The following SLC25A32 variants were observed in gnomAD, a reference collection of about 807,000 sequenced individuals.
The protein encoded by SLC25A32 is solute carrier family 25 member 32.
SLC25A32 carries 32 observed loss-of-function variants against 39.0 expected under a neutral mutation model. The observed-to-expected ratio is 0.82, with a 90% CI of 0.62 to 1.10. The LOEUF is 1.10. SLC25A32 is among the 50% of genes least tolerant of loss of function. The pLI, the probability that SLC25A32 is intolerant of heterozygous loss-of-function variation, is 0.00. For missense variants in SLC25A32, 367 were observed against 395.3 expected (o/e 0.93, Z 0.61); for synonymous variants, 166 against 152.4 (o/e 1.09, Z -0.66).
chr8:103,403,430 AGAT>A, intron 3 of SLC25A32, 106 bp from the exon 4 acceptor site: 1 of 702,430 alleles, frequency 1.4e-6, no homozygotes, highest in Non-Finnish European at 2.2e-6. Flanking sequence ...AAAAAAAAAA[AGAT>A]AATGCACAGG....
intron 3 of SLC25A32, among the ~76,000 whole-genome samples, chr8:103,404,518 C>T (rs1586112526): frequency 1.3e-5 from 2 of 152,030 alleles, no homozygotes; most frequent in East Asian, 3.8e-4. Context: ...TCGCTTGAAA[C>T]CCGAAGGCAG....
At chr8:103,411,476 C>T (rs1816463105) in intron 1 of SLC25A32, among the ~76,000 whole-genome samples, 1 of 152,000 alleles carries the variant, frequency 6.6e-6, no homozygotes, top group Non-Finnish European at 1.5e-5. Flanking sequence ...TTGAGCTTTA[C>T]CAATTACTGC....
chr8:103,400,614 C>A (rs1047164297), intron 6 of SLC25A32, 68 bp from the exon 7 acceptor site: 2 of 1,525,698 alleles, frequency 1.3e-6, no homozygotes, highest in African/African-American at 1.4e-5. Flanking sequence ...GAAGTTCTAA[C>A]TGACACAAGG....
chr8:103,405,171 T>C (rs912387043), intron 2 of SLC25A32, among the ~76,000 whole-genome samples: 3 of 152,216 alleles, frequency 2.0e-5, no homozygotes, highest in South Asian at 4.1e-4. Context: ...AGACTGGCCA[T>C]AAAAGACAAA....
intron 1 of SLC25A32, among the ~76,000 whole-genome samples, chr8:103,411,738 G>A (rs995472732): frequency 1.3e-5 from 2 of 152,110 alleles, no homozygotes; most frequent in African/African-American, 4.8e-5. Flanking sequence ...GGCTTCAACT[G>A]CCATCCCTGT....
intron 1 of SLC25A32, among the ~76,000 whole-genome samples, chr8:103,412,190 G>A (rs1816481006): frequency 6.6e-6 from 1 of 152,140 alleles, no homozygotes; most frequent in Non-Finnish European, 1.5e-5. Flanking sequence ...TATGCTACTG[G>A]GTCTTGCGAT....
intron 1 of SLC25A32, 76 bp from the exon 2 acceptor site, chr8:103,407,860 C>A: frequency 8.1e-7 from 1 of 1,227,772 alleles, no homozygotes; most frequent in South Asian, 1.9e-5. Context: ...AGACACTGTA[C>A]AATTGGTTAT....
chr8:103,403,155 A>G lies in SLC25A32; in HGVS notation c.552+9T>C. The G allele has an allele frequency of 6.4e-7, 1 of 1,553,404 alleles. No individual in the cohort carries two copies. The highest frequency in any genetic ancestry group is 8.8e-7 in the Non-Finnish European group (1 of 1,142,616). The stretch of plus-strand genomic sequence containing the variant: ...TTCAGTTATTTAAAATATATTGATA[A>G]TTTGTTACCTTATATAATCCACGCA... On this transcript the variant is annotated intron_variant, in intron 4 of 6. Transcript: ENST00000297578.
At chr8:103,409,173 A>G (rs1192980880) in intron 1 of SLC25A32, among the ~76,000 whole-genome samples, 1 of 152,242 alleles carries the variant, frequency 6.6e-6, no homozygotes, top group African/African-American at 2.4e-5. Flanking sequence ...TTCTATAAGT[A>G]GAGTATTAAG....
intron 1 of SLC25A32, among the ~76,000 whole-genome samples, chr8:103,410,227 C>T (rs923808679): frequency 2.6e-5 from 4 of 152,118 alleles, no homozygotes; most frequent in Admixed American, 2.0e-4. Flanking sequence ...ATTGTTATAT[C>T]GATAAAATAC....
At chr8:103,403,409 TAAAAA>T (rs11447002) in intron 3 of SLC25A32, 85 bp from the exon 4 acceptor site, 347 of 249,398 alleles carry the variant, frequency 1.4e-3, no homozygotes, top group Middle Eastern at 2.1e-3. Flanking sequence ...TACATTTATG[TAAAAA>T]AAAAAAAAAA....
At position 103,403,239 on chromosome 8, in the gene SLC25A32, T is replaced by A. The variant is rs763055856; in HGVS notation, c.477A>T (p.Pro159=). Residue 159 remains proline (P), a synonymous_variant, in exon 4 of 7, where the codon CCA becomes CCT. Coordinates refer to ENST00000297578, the MANE Select transcript of SLC25A32 (RefSeq NM_030780.5). ...MLQYDAVVNS[P]HRQYKGMFDT... ...CAAACATTCCTTTATATTGTCGGTG[T>A]GGGGAGTTAACAACAGCATCATACT... The A allele has an allele frequency of 1.2e-6, 2 of 1,612,960 alleles. No homozygotes were observed. Among genetic ancestry groups the A allele is most frequent in the Non-Finnish European group, 1.7e-6 (2 of 1,179,236 alleles).
At chr8:103,407,242 C>G (rs998332107) in intron 2 of SLC25A32, among the ~76,000 whole-genome samples, 6 of 152,178 alleles carry the variant, frequency 3.9e-5, no homozygotes, top group Non-Finnish European at 7.3e-5. Flanking sequence ...AAATAAAAAG[C>G]TCTCTTTAAT....
At chr8:103,414,720 C>A in intron 1 of SLC25A32, 64 bp downstream of exon 1, 1 of 1,601,316 alleles carries the variant, frequency 6.2e-7, no homozygotes, top group Middle Eastern at 1.7e-4. Flanking sequence ...ACGGAAAAGA[C>A]GGAGGAGATC....
In SLC25A32 at chr8:103,403,261, T is replaced by A; in HGVS notation, c.455A>T (p.Tyr152Phe). 1 of 1,612,948 alleles carries A rather than the reference T, an allele frequency of 6.2e-7. No individual in the cohort carries two copies. Among genetic ancestry groups the A allele is most frequent in the East Asian group, 2.2e-5 (1 of 44,836 alleles). Residue 152 changes from tyrosine (Y) to phenylalanine (F), a missense_variant, in exon 4 of 7, where the codon TAT becomes TTT. Physicochemically the swap from Tyr to Phe is conservative, Grantham distance 22. Transcript: ENST00000297578. ...GTGTGGGGAGTTAACAACAGCATCA[T>A]ACTGTAACATAAGGCGAGTTTTTGT... ...WVTKTRLMLQYDAVVNSPHRQ... is the reference protein window; with the variant it reads ...WVTKTRLMLQFDAVVNSPHRQ...
chr8:103,401,575 A>G lies in SLC25A32; in HGVS notation c.753T>C (p.Arg251=). 3 of 1,613,966 alleles carry G rather than the reference A, an allele frequency of 1.9e-6. No individual in the cohort carries two copies. Among genetic ancestry groups the G allele is most frequent in the Non-Finnish European group, 2.5e-6 (3 of 1,179,884 alleles). ...ATYPYQVVRA[R]LQDQHMFYSG... ...TGTAAAACATGTGTTGATCCTGAAGACGAGCTCTTACGACTTGATATGGGT... is the reference window on the plus strand; with the variant it reads ...TGTAAAACATGTGTTGATCCTGAAGGCGAGCTCTTACGACTTGATATGGGT... Residue 251 remains arginine (R), a synonymous_variant, in exon 6 of 7, where the codon CGT becomes CGC. Coordinates refer to ENST00000297578, the MANE Select transcript of SLC25A32 (RefSeq NM_030780.5).
At chr8:103,409,257 G>A (rs1816407456) in intron 1 of SLC25A32, among the ~76,000 whole-genome samples, 1 of 152,090 alleles carries the variant, frequency 6.6e-6, no homozygotes, top group Non-Finnish European at 1.5e-5. Flanking sequence ...ATCCAAACTT[G>A]TAATTTTACT....
chr8:103,405,441 G>C (rs1044817842), intron 2 of SLC25A32, among the ~76,000 whole-genome samples: 2 of 152,156 alleles, frequency 1.3e-5, no homozygotes, highest in African/African-American at 4.8e-5. Context: ...GACAGGCACA[G>C]TTTCAACAAG....
rs140977020 is a variant in SLC25A32 at position 103,410,173 on chromosome 8, T to C, written c.155-2389A>G. 9.5e-4 allele frequency among the ~76,000 whole-genome samples: 144 copies of C among 152,312 alleles called. 1 individual carries two copies. The highest frequency in any genetic ancestry group is 3.2e-3 in the African/African-American group (134 of 41,552). On this transcript the variant is annotated intron_variant, in intron 1 of 6. Transcript: ENST00000297578. ...AAACACTACCTGTTCTTTTCATAGG[T>C]ATAAACCAATGCTGAACTATAATCT...
Sources: allele counts gnomAD v4.1 joint callset (sites outside exome capture counted in the v4.1 genomes callset), GRCh38; gene constraint gnomAD v4.1.1; transcripts MANE v1.5; gene names NCBI Gene and HGNC (gene_info 2026-07-23, HGNC 2026-07-21).